The following GUCY2D variants were observed in gnomAD, a reference collection of about 807,000 sequenced individuals.
GUCY2D encodes the protein guanylate cyclase 2D, retinal.
Under a neutral mutation model 101.3 loss-of-function variants are expected in GUCY2D, and 70 were observed. That is an observed-to-expected ratio of 0.69 (90% confidence interval 0.57 to 0.84). GUCY2D has a LOEUF of 0.84. Ranked by LOEUF, GUCY2D falls within the 40% of genes least tolerant of loss-of-function variation. The pLI, the probability that GUCY2D is intolerant of heterozygous loss-of-function variation, is 0.00. For missense variants in GUCY2D, 1,460 were observed against 1,542.5 expected (o/e 0.95, Z 0.90); for synonymous variants, 688 against 670.7 (o/e 1.03, Z -0.40).
At chr17:8,017,422 G>A (rs1185135677) in intron 19 of GUCY2D, among the ~76,000 whole-genome samples, 1 of 152,204 alleles carries the variant, frequency 6.6e-6, no homozygotes, top group Non-Finnish European at 1.5e-5. Flanking sequence ...TTCCACCAGA[G>A]CAGGGTTTGT....
intron 19 of GUCY2D, among the ~76,000 whole-genome samples, chr17:8,019,229 C>G (rs531217355): frequency 6.6e-5 from 10 of 152,238 alleles, no homozygotes; most frequent in Admixed American, 3.3e-4. Flanking sequence ...CTCCCGTACC[C>G]GACCCTGCAG....
chr17:8,008,105 A>C (rs1975781271), intron 7 of GUCY2D, 73 bp downstream of exon 7: 14 of 899,314 alleles, frequency 1.6e-5, no homozygotes, highest in Middle Eastern at 4.6e-4. Flanking sequence ...GGGGAGGCGC[A>C]CTCTCAGGAG....
At chr17:8,004,230 C>G in intron 3 of GUCY2D, 74 bp downstream of exon 3, 1 of 1,335,724 alleles carries the variant, frequency 7.5e-7, no homozygotes, top group South Asian at 1.4e-5. Context: ...GAGGAGGATG[C>G]AGCCAATGGA....
rs898895746 is a variant in GUCY2D, at chr17:8,013,896, G to T, written c.2280G>T (p.Val760=). The change falls in exon 12 of 20, where the codon GTG becomes GTT. Residue 760 remains valine (V), a synonymous_variant. Coordinates refer to ENST00000254854, the MANE Select transcript of GUCY2D (RefSeq NM_000180.4). The surrounding 1 kb of genome is among the most constrained non-coding windows in gnomAD (Gnocchi z 5.0). Reference sequence around the variant, plus strand: ...TGCCTCCAGAAGTGGTGCAGAGGGTGCGGAGCCCCCCTCCACTGTGTCGGC... The same window carrying T: ...TGCCTCCAGAAGTGGTGCAGAGGGTTCGGAGCCCCCCTCCACTGTGTCGGC... ...ELTPEEVVQR[V]RSPPPLCRPL... 5 of 1,613,638 alleles carry T rather than the reference G, an allele frequency of 3.1e-6. No individual in the cohort carries two copies. In the Admixed American group the frequency reaches 8.3e-5, roughly 27 times the overall value.
intron 19 of GUCY2D, among the ~76,000 whole-genome samples, chr17:8,018,400 T>A (rs1276790703): frequency 6.6e-6 from 1 of 152,146 alleles, no homozygotes; most frequent in East Asian, 1.9e-4. Flanking sequence ...TACAAAATAT[T>A]GACACGCTCA....
rs761213112 is a variant in GUCY2D at position 8,007,409 on chromosome 17, AC to A, written c.1464-15del. 458 of 1,527,490 alleles carry A rather than the reference AC, an allele frequency of 3.0e-4. 1 individual carries two copies. The highest frequency in any genetic ancestry group is 4.0e-4 in the Non-Finnish European group (436 of 1,101,604). The allele number at this position is 1,527,490 out of a possible 1,614,324, so 94.6% of individuals were successfully genotyped here. Reference sequence around the variant, plus strand: ...GAACTTGGTGCCCTTGGTGGAGGTGACCTCTTTCTCCACCAGGCACCGGCTA... The same window carrying A: ...GAACTTGGTGCCCTTGGTGGAGGTGACTCTTTCTCCACCAGGCACCGGCTA... On this transcript the variant is annotated splice_polypyrimidine_tract_variant and intron_variant, in intron 5 of 19. Coordinates refer to ENST00000254854, the MANE Select transcript of GUCY2D (RefSeq NM_000180.4).
At chr17:8,007,870 C>A in intron 6 of GUCY2D, 61 bp from the exon 7 acceptor site, 1 of 1,069,382 alleles carries the variant, frequency 9.4e-7, no homozygotes, top group Non-Finnish European at 1.5e-6. Context: ...AGCCTGACCT[C>A]AACCCAGGAC....
At chr17:8,009,758 C>T (rs1271159030) in intron 8 of GUCY2D, among the ~76,000 whole-genome samples, 172 bp downstream of exon 8, 1 of 152,056 alleles carries the variant, frequency 6.6e-6, no homozygotes, top group Non-Finnish European at 1.5e-5. Context: ...GGGAGGATCA[C>T]CTGAGGCCAG....
intron 5 of GUCY2D, 57 bp downstream of exon 5, chr17:8,007,201 CA>C: frequency 7.8e-7 from 1 of 1,288,618 alleles, no homozygotes. Context: ...TGGAAGTCTG[CA>C]GCAAAAACAG....
chr17:8,014,052 G>C lies in GUCY2D; in HGVS notation c.2412+24G>C. The C allele has an allele frequency of 6.2e-7, 1 of 1,606,646 alleles. No homozygotes were observed. Among genetic ancestry groups the C allele is most frequent in the Non-Finnish European group, 8.5e-7 (1 of 1,176,610 alleles). ...TGGTCAGGGGCTGGGAGTGGGCAAGGACTGGGCTGGCCTCTGGGATCCCAG... is the reference window on the plus strand; with the variant it reads ...TGGTCAGGGGCTGGGAGTGGGCAAGCACTGGGCTGGCCTCTGGGATCCCAG... On this transcript the variant is annotated intron_variant, in intron 12 of 19. Coordinates refer to ENST00000254854, the MANE Select transcript of GUCY2D (RefSeq NM_000180.4). This position sits in a 1 kb window ranked among gnomAD's most constrained non-coding sequence, Gnocchi z 4.0.
At chr17:8,016,339 T>C in intron 18 of GUCY2D, 49 bp downstream of exon 18, 1 of 1,446,816 alleles carries the variant, frequency 6.9e-7, no homozygotes, top group Non-Finnish European at 9.5e-7. Context: ...GACCCCTGCC[T>C]CCTGCTCTGT....
At position 8,014,906 on chromosome 17, in the gene GUCY2D, A is replaced by G. The variant is rs1300820031; in HGVS notation, c.2624A>G (p.Tyr875Cys). The G allele has an allele frequency of 1.2e-6, 2 of 1,614,126 alleles. No individual in the cohort carries two copies. The highest frequency in any genetic ancestry group is 1.7e-6 in the Non-Finnish European group (2 of 1,180,006). ...ACGGGGACACCAGTGGAGCCCGAGT[A>G]CTTTGAGCAAGTGACACTGTACTTT... ...LKTGTPVEPE[Y>C]FEQVTLYFSD... The change falls in exon 14 of 20, where the codon TAC becomes TGC. Residue 875 changes from tyrosine to cysteine, a missense_variant. Tyr to Cys is a radical substitution (Grantham distance 194). Transcript: ENST00000254854. The surrounding 1 kb of genome is among the most constrained non-coding windows in gnomAD (Gnocchi z 4.0).
In GUCY2D at chr17:8,013,499, A is replaced by C; in HGVS notation, c.2263+247A>C. On this transcript the variant is annotated intron_variant, in intron 11 of 19. Coordinates refer to ENST00000254854, the MANE Select transcript of GUCY2D (RefSeq NM_000180.4). The surrounding 1 kb of genome is among the most constrained non-coding windows in gnomAD (Gnocchi z 5.0). ...TTGATGCTGGAACCAAACTGTTTCC[A>C]CAACTGACAGAACAGACTCCTCTCT... 1.7e-6 allele frequency: 1 copy of C among 591,264 alleles called. No individual in the cohort carries two copies. Among genetic ancestry groups the C allele is most frequent in the Non-Finnish European group, 3.0e-6 (1 of 329,086 alleles). The allele number at this position is 591,264 out of a possible 1,614,324, so 36.6% of individuals were successfully genotyped here. A position where few individuals can be genotyped will look rare whatever the true frequency, so the allele number is the denominator to read the frequency against.
In GUCY2D at chr17:8,007,149, G is replaced by C; in HGVS notation, c.1463+5G>C. 1 of 1,596,450 alleles carries C rather than the reference G, an allele frequency of 6.3e-7. No individual in the cohort carries two copies. The highest frequency in any genetic ancestry group is 8.6e-7 in the Non-Finnish European group (1 of 1,163,860). The stretch of plus-strand genomic sequence containing the variant: ...CTTCCTGGCCCATTATGTGAGGTGA[G>C]TAGTGGAATGAGGTAAGTAGGAAGT... On this transcript the variant is annotated splice_donor_5th_base_variant and intron_variant, in intron 5 of 19. Coordinates refer to ENST00000254854, the MANE Select transcript of GUCY2D (RefSeq NM_000180.4).
intron 19 of GUCY2D, among the ~76,000 whole-genome samples, chr17:8,018,704 C>G (rs1331724502): frequency 1.3e-5 from 2 of 152,144 alleles, no homozygotes; most frequent in Non-Finnish European, 2.9e-5. Flanking sequence ...TGTCGCCACT[C>G]CCCACAGACT....
Position 8,003,145 on chromosome 17 carries a change from T to A in GUCY2D, c.98T>A (p.Leu33Gln), listed in dbSNP as rs755150485. Residue 33 changes from leucine to glutamine, a missense_variant, in exon 2 of 20, where the codon CTG becomes CAG. Physicochemically the swap from Leu to Gln is moderately radical, Grantham distance 113. Coordinates refer to ENST00000254854, the MANE Select transcript of GUCY2D (RefSeq NM_000180.4). ...TCCCTGCCCCGCCTCCCCCGGGCCC[T>A]GCCCCGGCTCCCGCTCCTGCTGCTC... ...APSLPRLPRALPRLPLLLLLL... is the reference protein window; with the variant it reads ...APSLPRLPRAQPRLPLLLLLL... 2.1e-5 allele frequency: 32 copies of A among 1,506,616 alleles called. No individual in the cohort carries two copies. The highest frequency in any genetic ancestry group is 2.5e-5 in the Non-Finnish European group (28 of 1,132,486). 93.3% of individuals were successfully genotyped at this position (1,506,616 alleles called of 1,614,324 possible). A position where few individuals can be genotyped will look rare whatever the true frequency, so the allele number is the denominator to read the frequency against.
chr17:8,013,664 C>G lies in GUCY2D; in HGVS notation c.2264-216C>G. The G allele has an allele frequency of 1.7e-6, 1 of 602,418 alleles. No individual in the cohort carries two copies. The highest frequency in any genetic ancestry group is 3.0e-6 in the Non-Finnish European group (1 of 338,064). 37.3% of individuals were successfully genotyped at this position (602,418 alleles called of 1,614,324 possible). A position where few individuals can be genotyped will look rare whatever the true frequency, so the allele number is the denominator to read the frequency against. ...GTTAGTTTCTTTGCCTATGTCACCT[C>G]TTACTGACCCCCAGAGTTCGAGGTC... On this transcript the variant is annotated intron_variant, in intron 11 of 19. Coordinates refer to ENST00000254854, the MANE Select transcript of GUCY2D (RefSeq NM_000180.4). The surrounding 1 kb of genome is among the most constrained non-coding windows in gnomAD (Gnocchi z 5.0).
chr17:8,012,128 A>C lies in GUCY2D; in HGVS notation c.1750-16A>C. 1 of 1,597,972 alleles carries C rather than the reference A, an allele frequency of 6.3e-7. No homozygotes were observed. The highest frequency in any genetic ancestry group is 1.1e-5 in the South Asian group (1 of 90,712). The stretch of plus-strand genomic sequence containing the variant: ...TGCCCTGGGCAGAAAATGCAAGTCA[A>C]CTCTCCCCCTCTCAGCTCCAGGAGC... On this transcript the variant is annotated splice_polypyrimidine_tract_variant and intron_variant, in intron 8 of 19. Transcript: ENST00000254854.
At chr17:8,018,594 T>C (rs545104656) in intron 19 of GUCY2D, among the ~76,000 whole-genome samples, 1 of 152,250 alleles carries the variant, frequency 6.6e-6, no homozygotes, top group African/African-American at 2.4e-5. Flanking sequence ...GTATAGCAGA[T>C]TTCCCCCTTC....
Sources: allele counts gnomAD v4.1 joint callset (sites outside exome capture counted in the v4.1 genomes callset), GRCh38; gene constraint gnomAD v4.1.1; non-coding constraint Gnocchi (gnomAD v3.1); transcripts MANE v1.5; gene names NCBI Gene and HGNC (gene_info 2026-07-23, HGNC 2026-07-21).